The following MAML1 variants were observed in gnomAD, a reference collection of about 807,000 sequenced individuals.
MAML1 encodes the protein mastermind-like protein 1.
In MAML1, 14 loss-of-function variants were observed where a neutral mutation model predicts 77.1. The observed-to-expected ratio is 0.18, with a 90% CI of 0.12 to 0.28. The LOEUF (loss-of-function observed/expected upper bound fraction) is 0.28. Ranked by LOEUF, MAML1 falls within the 10% of genes least tolerant of loss-of-function variation. MAML1 has a pLI of 1.00. For missense variants in MAML1, 1,217 were observed against 1,327.8 expected (o/e 0.92, Z 1.30); for synonymous variants, 516 against 551.9 (o/e 0.93, Z 0.91).
Position 179,765,699 on chromosome 5 carries a change from G to A in MAML1, c.689G>A (p.Gly230Glu), listed in dbSNP as rs1425660706. ...PVEDLPCMIT[G>E]TVGSISQSNL... ...GAAGACCTGCCTTGCATGATCACTG[G>A]GACTGTCGGCTCCATATCGCAAAGC... Residue 230 changes from glycine (G) to glutamate (E), a missense_variant, in exon 2 of 5, where the codon GGG (glycine) becomes GAG (glutamate). Around this residue, in one of 3 missense-constraint regions of MAML1, gnomAD observed 312 missense variants for 331.4 expected, o/e 0.94. Transcript: ENST00000292599. 2 of 1,614,064 alleles carry A rather than the reference G, an allele frequency of 1.2e-6. No individual in the cohort carries two copies. The highest frequency in any genetic ancestry group is 2.2e-5 in the South Asian group (2 of 91,066).
At chr5:179,736,516 G>T (rs1222471732) in intron 1 of MAML1, among the ~76,000 whole-genome samples, 3 of 152,128 alleles carry the variant, frequency 2.0e-5, no homozygotes, top group Non-Finnish European at 4.4e-5. Flanking sequence ...CTCCCAAAGT[G>T]CTGGGATTAC....
chr5:179,753,222 T>C (rs112219595), intron 1 of MAML1, among the ~76,000 whole-genome samples: 6,047 of 30,656 alleles, frequency 0.2, 212 homozygotes, highest in African/African-American at 0.23. Context: ...TGTGTGTGTG[T>C]GCGCGCGCGC....
At chr5:179,765,081 G>A (rs1409792536) in intron 1 of MAML1, among the ~76,000 whole-genome samples, 1 of 151,818 alleles carries the variant, frequency 6.6e-6, no homozygotes, top group Non-Finnish European at 1.5e-5. Flanking sequence ...AGATGGCTGT[G>A]GGCAGCCTCA....
chr5:179,734,357 C>T (rs72809775), intron 1 of MAML1, among the ~76,000 whole-genome samples: 5,583 of 152,268 alleles, frequency 0.037, 128 homozygotes, highest in African/African-American at 0.053. Flanking sequence ...CCCTTATTCT[C>T]GAAATGCTGG....
intron 2 of MAML1, among the ~76,000 whole-genome samples, chr5:179,767,612 TCTC>T: frequency 6.6e-6 from 1 of 152,332 alleles, no homozygotes; most frequent in East Asian, 1.9e-4. Context: ...CATTTAAGCA[TCTC>T]CCAGTGCTGA....
intron 1 of MAML1, among the ~76,000 whole-genome samples, chr5:179,753,052 C>T (rs879370272): frequency 3.3e-5 from 5 of 152,154 alleles, no homozygotes; most frequent in Admixed American, 2.6e-4. Flanking sequence ...GGATTACAGG[C>T]GTGAACCACA....
At chr5:179,762,251 G>A (rs1779737186) in intron 1 of MAML1, among the ~76,000 whole-genome samples, 1 of 152,212 alleles carries the variant, frequency 6.6e-6, no homozygotes, top group South Asian at 2.1e-4. Flanking sequence ...GCTAGTGCAT[G>A]GTGGGTGAGA....
chr5:179,754,931 G>A (rs1779581750), intron 1 of MAML1, among the ~76,000 whole-genome samples: 1 of 152,220 alleles, frequency 6.6e-6, no homozygotes, highest in African/African-American at 2.4e-5. Flanking sequence ...ATAAGAAGGT[G>A]CAGCTGAAGG....
intron 1 of MAML1, among the ~76,000 whole-genome samples, chr5:179,741,456 G>A (rs1779282334): frequency 6.6e-6 from 1 of 152,098 alleles, no homozygotes; most frequent in African/African-American, 2.4e-5. Flanking sequence ...AGGCTGAGGT[G>A]GGCGGATCAC....
At position 179,771,255 on chromosome 5, in the gene MAML1, C is replaced by T. The variant is rs374990321; in HGVS notation, c.2068+12C>T. 10 of 1,612,774 alleles carry T rather than the reference C, an allele frequency of 6.2e-6. No homozygotes were observed. The East Asian group carries it at 2.2e-4, about 36-fold the overall frequency. Reference sequence around the variant, plus strand: ...TGGACAGTTCACAGGTAGGGGGTGTCTGTGTGACGAGCAGGGACAGGGGAG... The same window carrying T: ...TGGACAGTTCACAGGTAGGGGGTGTTTGTGTGACGAGCAGGGACAGGGGAG... On this transcript the variant is annotated intron_variant, in intron 4 of 4. Coordinates refer to ENST00000292599, the MANE Select transcript of MAML1 (RefSeq NM_014757.5). The surrounding 1 kb of genome is among the most constrained non-coding windows in gnomAD (Gnocchi z 4.7).
intron 1 of MAML1, among the ~76,000 whole-genome samples, 168 bp from the exon 2 acceptor site, chr5:179,765,158 G>A (rs1021743279): frequency 6.6e-6 from 1 of 152,064 alleles, no homozygotes; most frequent in Non-Finnish European, 1.5e-5. Context: ...GACTGGCCAG[G>A]TATAGGACCG....
Position 179,733,325 on chromosome 5 carries a change from C to G in MAML1, c.213C>G (p.Ala71=). The G allele has an allele frequency of 7.3e-7, 1 of 1,372,260 alleles. No individual in the cohort carries two copies. The highest frequency in any genetic ancestry group is 9.5e-7 in the Non-Finnish European group (1 of 1,054,814). The allele number at this position is 1,372,260 out of a possible 1,614,324, so 85.0% of individuals were successfully genotyped here. ...GCATCCAGGCCAAGGCCAAGCGCGC[C>G]GGGAAGCACAGGCAGCCGCCCGCCG... ...QRCIQAKAKR[A]GKHRQPPAAT... The change falls in exon 1 of 5, where the codon GCC becomes GCG. Residue 71 remains alanine, a synonymous_variant. Transcript: ENST00000292599.
At chr5:179,736,303 A>G (rs918402562) in intron 1 of MAML1, among the ~76,000 whole-genome samples, 76 of 151,932 alleles carry the variant, frequency 5.0e-4, no homozygotes, top group African/African-American at 1.8e-3. Context: ...GCCAGGCTGG[A>G]GTGCAATGGT....
intron 1 of MAML1, among the ~76,000 whole-genome samples, chr5:179,762,888 A>C (rs573528995): frequency 2.0e-5 from 3 of 152,318 alleles, no homozygotes; most frequent in South Asian, 2.1e-4. Context: ...AAAATGCCCT[A>C]CTGTTTCCTT....
chr5:179,770,319 G>T (rs1755955653), intron 3 of MAML1, among the ~76,000 whole-genome samples: 1 of 152,118 alleles, frequency 6.6e-6, no homozygotes, highest in Non-Finnish European at 1.5e-5. Context: ...GTGGTGACGG[G>T]CGCCTGTAGT....
At chr5:179,733,615 A>G (rs1779112630) in intron 1 of MAML1, among the ~76,000 whole-genome samples, 188 bp downstream of exon 1, 2 of 152,214 alleles carry the variant, frequency 1.3e-5, no homozygotes, top group African/African-American at 4.8e-5. Flanking sequence ...CGGTGGCGTT[A>G]CTTTGGGAAA....
In MAML1 at chr5:179,732,979, G is replaced by A. The variant is rs1379111073; in HGVS notation, c.-134G>A. ...AGGAGGAAAACCCGCCGCCGCGCGC[G>A]AGCCCGCTCCGCTGCCCTCGGGGGC... On this transcript the variant is annotated 5_prime_UTR_variant, in exon 1 of 5. Coordinates refer to ENST00000292599, the MANE Select transcript of MAML1 (RefSeq NM_014757.5). 1 of 458,014 alleles carries A rather than the reference G, an allele frequency of 2.2e-6. No individual in the cohort carries two copies. Among genetic ancestry groups the A allele is most frequent in the African/African-American group, 2.1e-5 (1 of 48,062 alleles). 28.4% of individuals were successfully genotyped at this position (458,014 alleles called of 1,614,324 possible).
chr5:179,757,953 C>T (rs1486388880), intron 1 of MAML1, among the ~76,000 whole-genome samples: 8 of 152,152 alleles, frequency 5.3e-5, no homozygotes, highest in Admixed American at 5.2e-4. Context: ...GCACATAGAA[C>T]TATACACATG....
At chr5:179,768,268 C>G (rs145541770) in intron 2 of MAML1, among the ~76,000 whole-genome samples, 2,087 of 152,258 alleles carry the variant, frequency 0.014, 41 homozygotes, top group African/African-American at 0.044. Context: ...ACCAGCGTGA[C>G]CAACATGGAG....
Sources: gnomAD v4.1 joint callset for allele counts (sites outside exome capture counted in the v4.1 genomes callset) on GRCh38, gnomAD v4.1.1 for gene constraint, gnomAD v4.1.1 regional missense constraint, Gnocchi (gnomAD v3.1) non-coding constraint, MANE v1.5 for transcripts, NCBI Gene and HGNC (gene_info 2026-07-23, HGNC 2026-07-21) for gene names.